SLC9A9: variants seen among roughly 807,000 people sequenced by gnomAD.
The protein encoded by SLC9A9 is sodium/hydrogen exchanger 9.
Under a neutral mutation model 77.8 loss-of-function variants are expected in SLC9A9, and 62 were observed. The observed-to-expected ratio is 0.80, with a 90% confidence interval of 0.65 to 0.98. The LOEUF is 0.98. SLC9A9 is among the 50% of genes least tolerant of loss of function. The probability of loss-of-function intolerance (pLI) is 0.00; values close to 1 mark genes in which losing one functional copy is unlikely to be tolerated. For synonymous variants in SLC9A9, 320 were observed against 283.5 expected, an observed-to-expected ratio of 1.13 and a Z score of -1.29; for missense variants, 775 against 774.9, an observed-to-expected ratio of 1.00 and a Z score of 0.00.
At chr3:143,429,578 C>T (rs1020619036) in intron 12 of SLC9A9, among the ~76,000 whole-genome samples, 2 of 152,198 alleles carry the variant, frequency 1.3e-5, no homozygotes, top group African/African-American at 4.8e-5. Flanking sequence ...ACTTAGTGAA[C>T]CAGACATGTC....
chr3:143,670,087 A>C (rs2039134554), intron 5 of SLC9A9, among the ~76,000 whole-genome samples: 1 of 152,180 alleles, frequency 6.6e-6, no homozygotes. Flanking sequence ...CTTTCTCACA[A>C]ATTACTCCCT....
At chr3:143,802,982 T>C (rs1386222601) in intron 2 of SLC9A9, among the ~76,000 whole-genome samples, 1 of 152,162 alleles carries the variant, frequency 6.6e-6, no homozygotes, top group Non-Finnish European at 1.5e-5. Context: ...GCCAGGCTGC[T>C]AATCTTCTCT....
chr3:143,597,138 C>T lies in SLC9A9; in HGVS notation c.756-18415G>A, dbSNP rs938870014. Among the ~76,000 whole-genome samples, 6 of 152,138 alleles carry T rather than the reference C, an allele frequency of 3.9e-5. No homozygotes were observed. The South Asian group carries it at 8.3e-4, about 21-fold the overall frequency. On this transcript the variant is annotated intron_variant, in intron 6 of 15. Transcript: ENST00000316549. Reference sequence around the variant, plus strand: ...GAAAAGGCCGAGGCGGATATCCAGGCGAGTATGAGTCAGCAAGTTTGGTGC... The same window carrying T: ...GAAAAGGCCGAGGCGGATATCCAGGTGAGTATGAGTCAGCAAGTTTGGTGC...
At chr3:143,310,005 T>G (rs2030957380) in intron 14 of SLC9A9, among the ~76,000 whole-genome samples, 1 of 152,252 alleles carries the variant, frequency 6.6e-6, no homozygotes, top group African/African-American at 2.4e-5. Flanking sequence ...TTTTTTAATT[T>G]AAGTTTGCAC....
chr3:143,294,075 T>A (rs1270427155), intron 14 of SLC9A9, among the ~76,000 whole-genome samples: 1 of 152,220 alleles, frequency 6.6e-6, no homozygotes, highest in Non-Finnish European at 1.5e-5. Flanking sequence ...CTTTTTCTTA[T>A]AAAGTAAATT....
chr3:143,274,329 C>A (rs1937982552), intron 14 of SLC9A9, among the ~76,000 whole-genome samples: 1 of 152,162 alleles, frequency 6.6e-6, no homozygotes, highest in Non-Finnish European at 1.5e-5. Context: ...TTTCTCTTTA[C>A]ACTTGTAATT....
chr3:143,587,220 A>G (rs376227489), intron 6 of SLC9A9, among the ~76,000 whole-genome samples: 13 of 152,234 alleles, frequency 8.5e-5, no homozygotes, highest in African/African-American at 3.1e-4. Flanking sequence ...AAGTACAGAC[A>G]TTGTTCTTAG....
intron 4 of SLC9A9, among the ~76,000 whole-genome samples, chr3:143,727,977 C>T (rs1934702576): frequency 6.6e-6 from 1 of 152,200 alleles, no homozygotes; most frequent in Admixed American, 6.5e-5. Context: ...GGCTAGGCTT[C>T]CCCTCGTTGC....
chr3:143,735,293 A>G (rs1308763305), intron 4 of SLC9A9, among the ~76,000 whole-genome samples: 1 of 152,200 alleles, frequency 6.6e-6, no homozygotes, highest in Non-Finnish European at 1.5e-5. Context: ...ATAGACCCCT[A>G]AAGTCCTAAA....
intron 8 of SLC9A9, among the ~76,000 whole-genome samples, chr3:143,557,415 C>T (rs1027436469): frequency 3.9e-5 from 6 of 151,996 alleles, no homozygotes; most frequent in Non-Finnish European, 5.9e-5. Context: ...CCAGAAATGT[C>T]GATGCAACTT....
At chr3:143,713,377 G>C (rs533596398) in intron 4 of SLC9A9, among the ~76,000 whole-genome samples, 1 of 152,270 alleles carries the variant, frequency 6.6e-6, no homozygotes, top group South Asian at 2.1e-4. Flanking sequence ...AGAGTTGTAG[G>C]GCTGTGTTTG....
intron 2 of SLC9A9, among the ~76,000 whole-genome samples, chr3:143,816,700 T>C (rs1187328044): frequency 6.6e-6 from 1 of 152,196 alleles, no homozygotes; most frequent in African/African-American, 2.4e-5. Context: ...TGCTGGGGTA[T>C]GAGGTATATA....
chr3:143,615,583 C>T (rs1450075278), intron 6 of SLC9A9, among the ~76,000 whole-genome samples: 1 of 151,720 alleles, frequency 6.6e-6, no homozygotes, highest in Non-Finnish European at 1.5e-5. Context: ...AAAAGCATCC[C>T]CCTGCAACCT....
At chr3:143,315,156 A>G (rs1249937836) in intron 14 of SLC9A9, among the ~76,000 whole-genome samples, 3 of 152,218 alleles carry the variant, frequency 2.0e-5, no homozygotes, top group Non-Finnish European at 1.5e-5. Context: ...AACAAAGAAC[A>G]TCAGTTTTTG....
At chr3:143,536,384 T>C (rs2036588704) in intron 9 of SLC9A9, among the ~76,000 whole-genome samples, 1 of 152,196 alleles carries the variant, frequency 6.6e-6, no homozygotes, top group Non-Finnish European at 1.5e-5. Context: ...CGCTGGTTAT[T>C]GTGAGGGTCA....
At position 143,655,552 on chromosome 3, in the gene SLC9A9, C is replaced by T. The variant is rs2038874322; in HGVS notation, c.650-3192G>A. 3 of 985,202 alleles carry T rather than the reference C, an allele frequency of 3.0e-6. No homozygotes were observed. In the South Asian group the frequency reaches 1.4e-4, roughly 46 times the overall value. 61.0% of individuals were successfully genotyped at this position (985,202 alleles called of 1,614,324 possible). ...CATGCTTCACTTGTGGCTTGGAGTT[C>T]CTTCTCCTCTACATACCCTCTTCTT... On this transcript the variant is annotated intron_variant, in intron 5 of 15. Transcript: ENST00000316549.
At chr3:143,278,992 A>T (rs1938133283) in intron 14 of SLC9A9, among the ~76,000 whole-genome samples, 1 of 152,138 alleles carries the variant, frequency 6.6e-6, no homozygotes, top group African/African-American at 2.4e-5. Flanking sequence ...AGGAGAAGAT[A>T]TACTTTCTAG....
At chr3:143,288,919 T>G (rs1938456987) in intron 14 of SLC9A9, among the ~76,000 whole-genome samples, 1 of 152,114 alleles carries the variant, frequency 6.6e-6, no homozygotes, top group Non-Finnish European at 1.5e-5. Context: ...GCAAAACAGA[T>G]CCCATTGCCC....
intron 6 of SLC9A9, among the ~76,000 whole-genome samples, chr3:143,636,402 T>C (rs1359798440): frequency 6.6e-6 from 1 of 152,238 alleles, no homozygotes; most frequent in Non-Finnish European, 1.5e-5. Context: ...AAGTCTCTTG[T>C]ATTTTCTAAG....
Sources: allele counts gnomAD v4.1 joint callset (sites outside exome capture counted in the v4.1 genomes callset), GRCh38; gene constraint gnomAD v4.1.1; transcripts MANE v1.5; gene names NCBI Gene and HGNC (gene_info 2026-07-23, HGNC 2026-07-21).